Variants in PARP8 observed in about 807,000 individuals in gnomAD.
The protein encoded by PARP8 is protein mono-ADP-ribosyltransferase PARP8.
A neutral mutation model predicts 124.1 loss-of-function variants in PARP8; 51 were observed. The ratio of observed to expected loss-of-function variants is 0.41; its 90% confidence interval spans 0.33 to 0.52. The LOEUF (loss-of-function observed/expected upper bound fraction) is 0.52, where lower values mean the gene tolerates loss of function less well. Ranked by LOEUF, PARP8 falls within the 20% of genes least tolerant of loss-of-function variation. The probability of loss-of-function intolerance (pLI) is 0.21; values close to 1 mark genes in which losing one functional copy is unlikely to be tolerated. For missense variants in PARP8, 860 were observed against 1,018.9 expected (o/e 0.84, Z 2.12); for synonymous variants, 391 against 361.5 (o/e 1.08, Z -0.93).
chr5:50,826,807 A>G lies in PARP8; in HGVS notation c.1977+4A>G, dbSNP rs1361549671. On this transcript the variant is annotated splice_donor_region_variant and intron_variant, in intron 19 of 25. Transcript: ENST00000281631. ...TGTGAAACTGCCAGTTAACAGGGTAAGTTGTTTTTTTTTTTTTTACATATG... is the reference window on the plus strand; with the variant it reads ...TGTGAAACTGCCAGTTAACAGGGTAGGTTGTTTTTTTTTTTTTTACATATG... 1 of 1,576,248 alleles carries G rather than the reference A, an allele frequency of 6.3e-7. No individual in the cohort carries two copies. Among genetic ancestry groups the G allele is most frequent in the Non-Finnish European group, 8.5e-7 (1 of 1,170,232 alleles).
chr5:50,759,800 G>C (rs540371065), intron 4 of PARP8, 68 bp downstream of exon 4: 1 of 1,456,252 alleles, frequency 6.9e-7, no homozygotes, highest in East Asian at 2.7e-5. Flanking sequence ...TTGTTTGTTT[G>C]TTTGTTTCAT....
At chr5:50,682,209 G>C (rs1323689651) in intron 2 of PARP8, among the ~76,000 whole-genome samples, 4 of 152,092 alleles carry the variant, frequency 2.6e-5, no homozygotes, top group African/African-American at 9.7e-5. Context: ...CCAAGTATGA[G>C]TACATTCTCC....
intron 3 of PARP8, among the ~76,000 whole-genome samples, chr5:50,754,451 G>A (rs901214340): frequency 6.6e-6 from 1 of 151,584 alleles, no homozygotes; most frequent in Non-Finnish European, 1.5e-5. Context: ...TTTTGTCCTT[G>A]CGATAGTTTG....
intron 5 of PARP8, among the ~76,000 whole-genome samples, chr5:50,761,450 C>T (rs1760534665): frequency 6.6e-6 from 1 of 151,836 alleles, no homozygotes; most frequent in African/African-American, 2.4e-5. Context: ...GAAGTGAGAA[C>T]AGCCTGGGAC....
At chr5:50,764,807 T>G (rs1254867243) in intron 7 of PARP8, among the ~76,000 whole-genome samples, 2 of 143,594 alleles carry the variant, frequency 1.4e-5, no homozygotes, top group African/African-American at 5.3e-5. Flanking sequence ...ATGGCTGTGT[T>G]TTTTTCTTTT....
intron 2 of PARP8, among the ~76,000 whole-genome samples, chr5:50,736,335 C>CTGCAGCATCTTTGTAATGG (rs1436168572): frequency 6.6e-6 from 1 of 152,066 alleles, no homozygotes; most frequent in Non-Finnish European, 1.5e-5. Context: ...CTTTTAGTGG[C>CTGCAGCATCTTTGTAATGG]TGCAGCATCT....
chr5:50,827,793 A>T (rs1171580478), intron 19 of PARP8, 151 bp from the exon 20 acceptor site: 1 of 615,158 alleles, frequency 1.6e-6, no homozygotes, highest in Non-Finnish European at 2.9e-6. Context: ...TTTTAAAAAC[A>T]TTATACAAAT....
At chr5:50,707,428 T>C (rs1754262847) in intron 2 of PARP8, among the ~76,000 whole-genome samples, 1 of 152,076 alleles carries the variant, frequency 6.6e-6, no homozygotes, top group African/African-American at 2.4e-5. Flanking sequence ...AACAATTAAG[T>C]AGACTTGACA....
chr5:50,687,822 A>G (rs1234343450), intron 2 of PARP8, among the ~76,000 whole-genome samples: 5 of 152,166 alleles, frequency 3.3e-5, no homozygotes, highest in African/African-American at 1.2e-4. Context: ...CCATGATTCA[A>G]TTACCTCCCA....
intron 6 of PARP8, 52 bp from the exon 7 acceptor site, chr5:50,763,095 GT>G (rs1208345168): frequency 3.5e-6 from 5 of 1,438,316 alleles, no homozygotes; most frequent in Non-Finnish European, 4.9e-6. Context: ...GGTTGCTTAA[GT>G]TTTTGATTCT....
At chr5:50,838,989 T>C (rs1224349197) in intron 25 of PARP8, among the ~76,000 whole-genome samples, 2 of 152,014 alleles carry the variant, frequency 1.3e-5, no homozygotes, top group African/African-American at 4.8e-5. Context: ...CAGGCTGCCT[T>C]GTCATTTTTT....
intron 2 of PARP8, among the ~76,000 whole-genome samples, chr5:50,702,842 T>C (rs974693112): frequency 3.3e-5 from 5 of 152,192 alleles, no homozygotes; most frequent in African/African-American, 1.2e-4. Flanking sequence ...GAGGAAAATA[T>C]CTGTCTTTAA....
chr5:50,743,229 G>T lies in PARP8; in HGVS notation c.147-6922G>T, dbSNP rs1283292627. 2.0e-5 allele frequency among the ~76,000 whole-genome samples: 3 copies of T among 152,050 alleles called. No individual in the cohort carries two copies. In the East Asian group the frequency reaches 5.8e-4, roughly 29 times the overall value. ...TGATGTCAAGATTTTTGGTAAAGAG[G>T]AAAAGAAGGTCCTAGAGCTCCCCAA... On this transcript the variant is annotated intron_variant, in intron 2 of 25. Coordinates refer to ENST00000281631, the MANE Select transcript of PARP8 (RefSeq NM_024615.4).
At chr5:50,744,281 C>T (rs1318289924) in intron 2 of PARP8, among the ~76,000 whole-genome samples, 2 of 152,154 alleles carry the variant, frequency 1.3e-5, no homozygotes, top group East Asian at 1.9e-4. Context: ...CTGTTCTTAG[C>T]TCATTGCAGA....
At chr5:50,826,828 A>G in intron 19 of PARP8, 25 bp downstream of exon 19, 10 of 1,575,160 alleles carry the variant, frequency 6.3e-6, no homozygotes, top group African/African-American at 1.4e-5. Context: ...TTTTTTTTAC[A>G]TATGCATACA....
At chr5:50,828,815 G>A (rs1746630579) in intron 21 of PARP8, among the ~76,000 whole-genome samples, 1 of 151,672 alleles carries the variant, frequency 6.6e-6, no homozygotes, top group Non-Finnish European at 1.5e-5. Context: ...AACCCGGGAG[G>A]TGAAGGTGAA....
chr5:50,832,634 G>A (rs1580499833), intron 22 of PARP8, 147 bp from the exon 23 acceptor site: 1 of 624,472 alleles, frequency 1.6e-6, no homozygotes, highest in South Asian at 2.6e-5. Flanking sequence ...CCACCTCAGG[G>A]GCTAAGGGCA....
intron 23 of PARP8, 34 bp from the exon 24 acceptor site, chr5:50,833,945 C>A: frequency 6.4e-7 from 1 of 1,567,764 alleles, no homozygotes; most frequent in Non-Finnish European, 8.8e-7. Flanking sequence ...GTGTTTCATT[C>A]TGACTCTAAG....
intron 2 of PARP8, among the ~76,000 whole-genome samples, chr5:50,705,665 AT>A (rs1421076970): frequency 6.6e-6 from 1 of 151,964 alleles, no homozygotes; most frequent in African/African-American, 2.4e-5. Context: ...TGCGCCTGTA[AT>A]CCCAGCTACT....
Sources: gnomAD v4.1 joint callset for allele counts (sites outside exome capture counted in the v4.1 genomes callset) on GRCh38, gnomAD v4.1.1 for gene constraint, MANE v1.5 for transcripts, NCBI Gene and HGNC (gene_info 2026-07-23, HGNC 2026-07-21) for gene names.